Variants in SCN7A observed in about 807,000 individuals in gnomAD.
SCN7A encodes sodium voltage-gated channel alpha subunit 7, also known as sodium channel protein type 7 subunit alpha.
SCN7A carries 138 observed loss-of-function variants against 155.2 expected under a neutral mutation model. The ratio of observed to expected loss-of-function variants is 0.89; its 90% CI spans 0.77 to 1.02. The LOEUF (loss-of-function observed/expected upper bound fraction) is 1.02, where lower values mean the gene tolerates loss of function less well. SCN7A is among the 50% of genes least tolerant of loss of function. SCN7A has a pLI of 0.00. For missense variants in SCN7A, 2,058 were observed against 1,986.6 expected, an observed-to-expected ratio of 1.04 and a Z score of -0.68; for synonymous variants, 693 against 649.0, an observed-to-expected ratio of 1.07 and a Z score of -1.03.
Position 166,441,431 on chromosome 2 carries a change from A to G in SCN7A, c.2122T>C (p.Phe708Leu), listed in dbSNP as rs1701956904. ...EVAGQSWCIPFYLMVILIGNL... is the reference protein window; with the variant it reads ...EVAGQSWCIPLYLMVILIGNL... ...CCAATTAAAATGACCATCAGGTAAA[A>G]AGGAATACACCAGGATTGGCCTGCA... Residue 708 changes from phenylalanine (F) to leucine (L), a missense_variant, in exon 15 of 26, where the codon TTT becomes CTT. Phe to Leu is a conservative substitution (Grantham distance 22, BLOSUM62 0). Transcript: ENST00000643258. The G allele has an allele frequency of 6.2e-7, 1 of 1,601,000 alleles. No individual in the cohort carries two copies. Among genetic ancestry groups the G allele is most frequent in the Admixed American group, 1.7e-5 (1 of 57,314 alleles).
rs778620195 is a variant in SCN7A at position 166,405,674 on chromosome 2, T to G, written c.4955A>C (p.His1652Pro). ...RRNDKNTSDI[H>P]MIDGDRDVHA... Reference sequence around the variant, plus strand: ...AACATCTCTGTCACCATCTATCATATGAATATCTGATGTATTTTTGTCATT... The same window carrying G: ...AACATCTCTGTCACCATCTATCATAGGAATATCTGATGTATTTTTGTCATT... Residue 1652 changes from histidine (H) to proline (P), a missense_variant, in exon 26 of 26, where the codon CAT (histidine) becomes CCT (proline). His to Pro is a moderately conservative substitution (Grantham distance 77). Coordinates refer to ENST00000643258, the MANE Select transcript of SCN7A (RefSeq NM_002976.4). 6.2e-7 allele frequency: 1 copy of G among 1,612,986 alleles called. No homozygotes were observed. The highest frequency in any genetic ancestry group is 1.7e-5 in the Admixed American group (1 of 59,898).
At chr2:166,488,155 A>G (rs997018115) in intron 1 of SCN7A, among the ~76,000 whole-genome samples, 1 of 152,216 alleles carries the variant, frequency 6.6e-6, no homozygotes, top group African/African-American at 2.4e-5. Flanking sequence ...ACCAACTTAT[A>G]TTGACATTTT....
At chr2:166,431,044 T>C (rs1304359284) in intron 16 of SCN7A, among the ~76,000 whole-genome samples, 1 of 152,120 alleles carries the variant, frequency 6.6e-6, no homozygotes, top group Non-Finnish European at 1.5e-5. Context: ...TATTTTAAGT[T>C]ACAGCTTTCC....
chr2:166,492,040 A>G (rs1683122208), intron 1 of SCN7A, among the ~76,000 whole-genome samples: 1 of 152,030 alleles, frequency 6.6e-6, no homozygotes, highest in Non-Finnish European at 1.5e-5. Context: ...TATTTCTAGT[A>G]TGCTTTGGAC....
intron 11 of SCN7A, among the ~76,000 whole-genome samples, chr2:166,450,432 C>T (rs562592955): frequency 1.3e-5 from 2 of 151,872 alleles, no homozygotes; most frequent in Non-Finnish European, 2.9e-5. Flanking sequence ...GCCCATGTAA[C>T]GCCTGCACAT....
chr2:166,417,024 C>G lies in SCN7A; in HGVS notation c.3136-39G>C, dbSNP rs555821194. ...AAAATGTAAACTTTAGATAGGAAAT[C>G]TGAAACTGTTTTAGTTTTTGATCAG... is the stretch of plus-strand genomic sequence containing the variant. On this transcript the variant is annotated intron_variant, in intron 20 of 25. Transcript: ENST00000643258. 4.2e-6 allele frequency: 6 copies of G among 1,441,638 alleles called. 1 individual carries two copies. The South Asian group carries it at 6.9e-5, about 16-fold the overall frequency. 89.3% of individuals were successfully genotyped at this position (1,441,638 alleles called of 1,614,324 possible). A position where few individuals can be genotyped will look rare whatever the true frequency, so the allele number is the denominator to read the frequency against.
chr2:166,427,222 A>T (rs1452546994), intron 18 of SCN7A, among the ~76,000 whole-genome samples: 1 of 151,958 alleles, frequency 6.6e-6, no homozygotes, highest in African/African-American at 2.4e-5. Flanking sequence ...TTCTTTTCTA[A>T]CCCTTTGCTA....
intron 12 of SCN7A, among the ~76,000 whole-genome samples, chr2:166,446,230 A>G (rs1702059830): frequency 6.6e-6 from 1 of 152,230 alleles, no homozygotes; most frequent in Non-Finnish European, 1.5e-5. Context: ...GATACTTCCC[A>G]AAAGAAGACA....
At chr2:166,470,783 A>T in intron 6 of SCN7A, 77 bp from the exon 7 acceptor site, 1 of 1,309,580 alleles carries the variant, frequency 7.6e-7, no homozygotes, top group Non-Finnish European at 1.0e-6. Context: ...ATGGTTATTG[A>T]AACTTATTTT....
At position 166,418,920 on chromosome 2, in the gene SCN7A, G is replaced by A. The variant is rs147218384; in HGVS notation, c.3136-1935C>T. ...GAGATAATTTACAGAACTTCCAGAG[G>A]TGGAGATGAGGCTTCAGGTCTGAAC... is the stretch of plus-strand genomic sequence containing the variant. On this transcript the variant is annotated intron_variant, in intron 20 of 25. Transcript: ENST00000643258. Among the ~76,000 whole-genome samples the A allele has an allele frequency of 3.3e-3, 499 of 152,252 alleles. 9 individuals carry two copies. Among genetic ancestry groups the A allele is most frequent in the Non-Finnish European group, 5.2e-3 (357 of 68,020 alleles).
chr2:166,414,141 A>ATATATATAATATAT (rs1491201200), intron 21 of SCN7A, among the ~76,000 whole-genome samples: 1,060 of 64,552 alleles, frequency 0.016, 19 homozygotes, highest in Non-Finnish European at 0.019. Flanking sequence ...ATATATGTAA[A>ATATATATAATATAT]TATATATAAA....
chr2:166,469,278 T>C (rs1702602646), intron 7 of SCN7A, among the ~76,000 whole-genome samples: 1 of 151,736 alleles, frequency 6.6e-6, no homozygotes, highest in South Asian at 2.1e-4. Flanking sequence ...ATAATACTAT[T>C]TTACGGCTTC....
At chr2:166,450,131 G>C (rs1702146231) in intron 11 of SCN7A, among the ~76,000 whole-genome samples, 1 of 152,176 alleles carries the variant, frequency 6.6e-6, no homozygotes, top group African/African-American at 2.4e-5. Context: ...CCACTCTAAA[G>C]AAGAACAAAA....
chr2:166,413,172 T>C (rs1701239654), intron 21 of SCN7A, 51 bp from the exon 22 acceptor site: 4 of 1,137,594 alleles, frequency 3.5e-6, no homozygotes, highest in Admixed American at 5.1e-5. Flanking sequence ...AAATAAAAAG[T>C]AAAATCTCAG....
intron 1 of SCN7A, among the ~76,000 whole-genome samples, chr2:166,492,145 T>C (rs1183804213): frequency 6.6e-6 from 1 of 152,136 alleles, no homozygotes; most frequent in African/African-American, 2.4e-5. Context: ...TGCCCAGTTT[T>C]GAAGTGCTTG....
chr2:166,474,076 C>A, intron 4 of SCN7A, 150 bp downstream of exon 4: 1 of 511,108 alleles, frequency 2.0e-6, no homozygotes. Context: ...AAATGTGGAA[C>A]ACTTAATGAA....
chr2:166,487,515 T>A (rs1703079307), intron 1 of SCN7A, among the ~76,000 whole-genome samples: 1 of 152,174 alleles, frequency 6.6e-6, no homozygotes, highest in Admixed American at 6.5e-5. Flanking sequence ...CTGTAGGAGA[T>A]GACTGCCCAG....
At chr2:166,417,023 T>C (rs1701393545) in intron 20 of SCN7A, 38 bp from the exon 21 acceptor site, 3 of 1,443,306 alleles carry the variant, frequency 2.1e-6, no homozygotes, top group Non-Finnish European at 2.8e-6. Context: ...AGATAGGAAA[T>C]CTGAAACTGT....
At chr2:166,463,593 C>A (rs1702460184) in intron 9 of SCN7A, among the ~76,000 whole-genome samples, 1 of 152,114 alleles carries the variant, frequency 6.6e-6, no homozygotes, top group African/African-American at 2.4e-5. Context: ...TATCCATGAC[C>A]ATGTGTATCC....
Sources: gnomAD v4.1 joint callset for allele counts (sites outside exome capture counted in the v4.1 genomes callset) on GRCh38, gnomAD v4.1.1 for gene constraint, MANE v1.5 for transcripts, NCBI Gene and HGNC (gene_info 2026-07-23, HGNC 2026-07-21) for gene names.